GPAT4: variants seen among roughly 807,000 people sequenced by gnomAD.
GPAT4 encodes the protein 1-AGP acyltransferase 6.
GPAT4 carries 17 observed loss-of-function variants against 58.0 expected under a neutral mutation model. The observed-to-expected ratio is 0.29, with a 90% CI of 0.20 to 0.44. GPAT4 has a LOEUF of 0.44. Among genes scored for constraint, GPAT4 ranks in the 20% least tolerant of loss-of-function variants. The pLI, the probability that GPAT4 is intolerant of heterozygous loss-of-function variation, is 1.00. For synonymous variants in GPAT4, 204 were observed against 210.1 expected (o/e 0.97, Z 0.25); for missense variants, 377 against 574.5 (o/e 0.66, Z 3.51).
At chr8:41,605,340 A>G (rs960032110) in intron 2 of GPAT4, among the ~76,000 whole-genome samples, 4 of 152,258 alleles carry the variant, frequency 2.6e-5, no homozygotes, top group Admixed American at 6.5e-5. Context: ...GGAATTGAGT[A>G]GGTAACATTT....
intron 12 of GPAT4, 41 bp from the exon 13 acceptor site, chr8:41,620,852 G>T: frequency 6.5e-7 from 1 of 1,549,364 alleles, no homozygotes; most frequent in African/African-American, 1.4e-5. Context: ...GTGGCTGGGA[G>T]CCCTCTTGGC....
intron 1 of GPAT4, among the ~76,000 whole-genome samples, chr8:41,581,797 T>A (rs2150478006): frequency 6.7e-6 from 1 of 149,094 alleles, no homozygotes; most frequent in Non-Finnish European, 1.5e-5. Context: ...CCCGGCTAAT[T>A]TTTTTTTTGT....
intron 3 of GPAT4, 73 bp downstream of exon 3, chr8:41,609,558 CA>C: frequency 6.2e-7 from 1 of 1,601,228 alleles, no homozygotes; most frequent in Non-Finnish European, 8.6e-7. Context: ...TGGTGCCACA[CA>C]CGCTCTTCCC....
chr8:41,598,933 G>A lies in GPAT4; in HGVS notation c.-207G>A. 4.9e-6 allele frequency: 3 copies of A among 610,546 alleles called. No individual in the cohort carries two copies. Among genetic ancestry groups the A allele is most frequent in the East Asian group, 2.9e-5 (1 of 34,748 alleles). The allele number at this position is 610,546 out of a possible 1,614,324, so 37.8% of individuals were successfully genotyped here. On this transcript the variant is annotated 5_prime_UTR_variant, in exon 2 of 13. Transcript: ENST00000396987. The stretch of plus-strand genomic sequence containing the variant: ...TCCATTCTGGAGAGACCTGGCGTTT[G>A]CAGTTGCCTCCTGTGGCCGTGTTTT...
intron 2 of GPAT4, among the ~76,000 whole-genome samples, chr8:41,605,910 C>T (rs1803248683): frequency 6.6e-6 from 1 of 152,124 alleles, no homozygotes; most frequent in South Asian, 2.1e-4. Context: ...CGTGGCTGGA[C>T]TCTGGCAGCA....
At chr8:41,594,363 A>G (rs1251574307) in intron 1 of GPAT4, among the ~76,000 whole-genome samples, 6 of 152,140 alleles carry the variant, frequency 3.9e-5, no homozygotes, top group Non-Finnish European at 5.9e-5. Flanking sequence ...TCCATTTACC[A>G]AAGGTATATT....
At chr8:41,585,202 A>ATTTGT (rs1233250633) in intron 1 of GPAT4, among the ~76,000 whole-genome samples, 2 of 152,220 alleles carry the variant, frequency 1.3e-5, no homozygotes, top group East Asian at 3.8e-4. Flanking sequence ...GTTTGTTTAC[A>ATTTGT]TTACAGTTGG....
chr8:41,599,644 C>T (rs1290765375), intron 2 of GPAT4, among the ~76,000 whole-genome samples: 1 of 152,226 alleles, frequency 6.6e-6, no homozygotes, highest in African/African-American at 2.4e-5. Flanking sequence ...CATATTCCCT[C>T]ACTGAGAAGC....
chr8:41,621,106 T>G lies in GPAT4; in HGVS notation c.*105T>G. The G allele has an allele frequency of 6.9e-7, 1 of 1,451,474 alleles. No homozygotes were observed. Among genetic ancestry groups the G allele is most frequent in the Non-Finnish European group, 9.3e-7 (1 of 1,079,830 alleles). The allele number at this position is 1,451,474 out of a possible 1,614,324, so 89.9% of individuals were successfully genotyped here. Reference sequence around the variant, plus strand: ...CTGTGTCCTTTCCAGACTCCAGGGCTCCCCGGGCTGCTCTGGATCCCAGGA... The same window carrying G: ...CTGTGTCCTTTCCAGACTCCAGGGCGCCCCGGGCTGCTCTGGATCCCAGGA... On this transcript the variant is annotated 3_prime_UTR_variant, in exon 13 of 13. Coordinates refer to ENST00000396987, the MANE Select transcript of GPAT4 (RefSeq NM_178819.4).
rs1176388372 is a variant in GPAT4 at position 41,622,429 on chromosome 8, C to T, written c.*1428C>T. 6.6e-6 allele frequency: 1 copy of T among 152,342 alleles called. No homozygotes were observed. The highest frequency in any genetic ancestry group is 2.4e-5 in the African/African-American group (1 of 41,456). The allele number at this position is 152,342 out of a possible 1,614,324, so 9.4% of individuals were successfully genotyped here. ...GTCACAGTGGAGGCAGAGCCAAGGC[C>T]AAGCAGCCCCTGTGGGTTCTGGGGT... On this transcript the variant is annotated 3_prime_UTR_variant, in exon 13 of 13. Transcript: ENST00000396987.
chr8:41,620,786 T>A, intron 12 of GPAT4, 107 bp from the exon 13 acceptor site: 2 of 1,495,276 alleles, frequency 1.3e-6, no homozygotes, highest in Non-Finnish European at 1.8e-6. Flanking sequence ...GTACCCTGTT[T>A]CTGGCAGGTT....
intron 1 of GPAT4, among the ~76,000 whole-genome samples, chr8:41,597,073 G>A (rs1392300458): frequency 6.6e-6 from 1 of 152,160 alleles, no homozygotes; most frequent in Non-Finnish European, 1.5e-5. Context: ...AACACAAAAA[G>A]TTAGGTCAGG....
rs373783387 is a variant in GPAT4, at chr8:41,579,694, C to T, written c.-849+1416C>T. 4.7e-4 allele frequency among the ~76,000 whole-genome samples: 71 copies of T among 152,122 alleles called. No individual in the cohort carries two copies. The East Asian group carries it at 0.012, about 26-fold the overall frequency. On this transcript the variant is annotated intron_variant, in intron 1 of 12. Coordinates refer to ENST00000396987, the MANE Select transcript of GPAT4 (RefSeq NM_178819.4). ...ATATACTAAAAATACAAAAATTAGC[C>T]GGACGTGGTGGCAAGTACTTGTATT...
At chr8:41,605,119 T>C (rs755552) in intron 2 of GPAT4, among the ~76,000 whole-genome samples, 35,459 of 152,092 alleles carry the variant, frequency 0.23, 4,177 homozygotes, top group East Asian at 0.29. Flanking sequence ...GAGAAAAATA[T>C]TGGGAGTTGA....
chr8:41,588,144 T>G (rs1431549802), intron 1 of GPAT4, among the ~76,000 whole-genome samples: 1 of 152,244 alleles, frequency 6.6e-6, no homozygotes, highest in African/African-American at 2.4e-5. Flanking sequence ...AATGAAATGA[T>G]AATATATACC....
intron 1 of GPAT4, among the ~76,000 whole-genome samples, chr8:41,585,806 C>T (rs937916673): frequency 3.9e-5 from 6 of 152,178 alleles, no homozygotes; most frequent in East Asian, 1.9e-4. Context: ...TAAATAAAGA[C>T]GTAAGGACAA....
At chr8:41,612,807 A>G (rs977247047) in intron 7 of GPAT4, 38 bp from the exon 8 acceptor site, 1 of 1,557,372 alleles carries the variant, frequency 6.4e-7, no homozygotes. Flanking sequence ...TCGTGTGAAG[A>G]TGGCTTCACT....
At chr8:41,617,082 C>G (rs537861935) in intron 10 of GPAT4, among the ~76,000 whole-genome samples, 3 of 152,196 alleles carry the variant, frequency 2.0e-5, no homozygotes, top group Non-Finnish European at 4.4e-5. Context: ...AACGACATGA[C>G]CAGATGCAGT....
intron 1 of GPAT4, among the ~76,000 whole-genome samples, chr8:41,589,951 T>G (rs7837006): frequency 0.47 from 70,929 of 152,008 alleles, 16,914 homozygotes; most frequent in African/African-American, 0.55. Context: ...TAACTCAGGT[T>G]CCTGAACTAC....
Sources: gnomAD v4.1 joint callset for allele counts (sites outside exome capture counted in the v4.1 genomes callset) on GRCh38, gnomAD v4.1.1 for gene constraint, MANE v1.5 for transcripts, NCBI Gene and HGNC (gene_info 2026-07-23, HGNC 2026-07-21) for gene names.